Variants in DENND2A observed in about 807,000 individuals in gnomAD.
DENND2A encodes the protein DENN domain containing 2A.
Under a neutral mutation model 105.3 loss-of-function variants are expected in DENND2A, and 53 were observed. That is an observed-to-expected ratio of 0.50 (90% confidence interval 0.40 to 0.63). DENND2A has a LOEUF of 0.63. Ranked by LOEUF, DENND2A falls within the 30% of genes least tolerant of loss-of-function variation. The pLI, the probability that DENND2A is intolerant of heterozygous loss-of-function variation, is 0.00. For missense variants in DENND2A, 1,138 were observed against 1,279.6 expected, an observed-to-expected ratio of 0.89 and a Z score of 1.69; for synonymous variants, 522 against 508.4, an observed-to-expected ratio of 1.03 and a Z score of -0.36.
At chr7:140,634,961 CA>C (rs112974741) in intron 1 of DENND2A, among the ~76,000 whole-genome samples, 5,400 of 121,108 alleles carry the variant, frequency 0.045, 297 homozygotes, top group African/African-American at 0.14. Context: ...GACTCCGTCT[CA>C]AAAAAAAAAA....
intron 1 of DENND2A, among the ~76,000 whole-genome samples, chr7:140,608,569 G>A (rs1397994439): frequency 1.3e-5 from 2 of 151,894 alleles, no homozygotes; most frequent in East Asian, 1.9e-4. Context: ...CCAGCTACTC[G>A]GGAGGCTGAG....
At chr7:140,620,022 G>A (rs556413115) in intron 1 of DENND2A, among the ~76,000 whole-genome samples, 2 of 151,038 alleles carry the variant, frequency 1.3e-5, no homozygotes, top group South Asian at 2.1e-4. Flanking sequence ...GTGAAACCCC[G>A]TCTCTACTAA....
intron 14 of DENND2A, among the ~76,000 whole-genome samples, chr7:140,535,880 C>T (rs1179011497): frequency 6.6e-6 from 1 of 152,140 alleles, no homozygotes; most frequent in Non-Finnish European, 1.5e-5. Context: ...CTGCACCTGG[C>T]CGTCCTTCCA....
chr7:140,553,965 T>C (rs1797252509), intron 12 of DENND2A, among the ~76,000 whole-genome samples: 2 of 152,196 alleles, frequency 1.3e-5, no homozygotes, highest in Admixed American at 6.6e-5. Context: ...CAGTGGCTTG[T>C]GCCTGTAATC....
chr7:140,635,522 G>A (rs1800893478), intron 1 of DENND2A, among the ~76,000 whole-genome samples: 1 of 152,068 alleles, frequency 6.6e-6, no homozygotes, highest in Non-Finnish European at 1.5e-5. Context: ...CCCTGTACTG[G>A]CCCCACTCTC....
At chr7:140,548,163 T>C (rs1326547201) in intron 12 of DENND2A, among the ~76,000 whole-genome samples, 2 of 152,112 alleles carry the variant, frequency 1.3e-5, no homozygotes, top group Admixed American at 6.6e-5. Flanking sequence ...TGGGCTCAAG[T>C]GTCCTCCTAT....
At chr7:140,557,790 G>A (rs1436068067) in intron 11 of DENND2A, among the ~76,000 whole-genome samples, 4 of 150,470 alleles carry the variant, frequency 2.7e-5, no homozygotes, top group East Asian at 2.0e-4. Context: ...CGCCCGTCTC[G>A]GCCTCCCAAA....
At chr7:140,544,550 C>G (rs765479263) in intron 14 of DENND2A, 68 bp downstream of exon 14, 75 of 1,606,454 alleles carry the variant, frequency 4.7e-5, no homozygotes, top group Non-Finnish European at 5.9e-5. Context: ...GTCACCTGCT[C>G]TACAGACTAG....
intron 5 of DENND2A, among the ~76,000 whole-genome samples, chr7:140,581,859 T>C (rs1482476383): frequency 6.6e-6 from 1 of 152,158 alleles, no homozygotes; most frequent in African/African-American, 2.4e-5. Flanking sequence ...GCAGAGGCTC[T>C]AGGTTTTCTC....
At chr7:140,563,854 T>C (rs1289031972) in intron 9 of DENND2A, among the ~76,000 whole-genome samples, 1 of 152,082 alleles carries the variant, frequency 6.6e-6, no homozygotes, top group Non-Finnish European at 1.5e-5. Flanking sequence ...TGCATGCGCC[T>C]GTAGTCCCAG....
At chr7:140,578,601 C>T (rs76062806) in intron 5 of DENND2A, among the ~76,000 whole-genome samples, 3,173 of 152,306 alleles carry the variant, frequency 0.021, 116 homozygotes, top group African/African-American at 0.072. Context: ...CATACAAGGG[C>T]CAGGTGCAGT....
chr7:140,555,657 T>C lies in DENND2A; in HGVS notation c.2016A>G (p.Gly672=), dbSNP rs755476225. Reference sequence around the variant, plus strand: ...TCACCCTTGAAAAGAGGCTGAAGCATCCCAGGCGGCTCACAATGCAGTAAA... The same window carrying C: ...TCACCCTTGAAAAGAGGCTGAAGCACCCCAGGCGGCTCACAATGCAGTAAA... ...PEVYCIVSRL[G]CFSLFSRILD... Residue 672 remains glycine (G), a synonymous_variant, in exon 12 of 20, where the codon GGA becomes GGG. Coordinates refer to ENST00000496613, the MANE Select transcript of DENND2A (RefSeq NM_015689.5). 6.8e-6 allele frequency: 11 copies of C among 1,609,804 alleles called. 1 individual carries two copies. In the Admixed American group the frequency reaches 1.2e-4, roughly 18 times the overall value.
intron 3 of DENND2A, among the ~76,000 whole-genome samples, chr7:140,594,555 C>T (rs1000029420): frequency 2.6e-5 from 4 of 152,194 alleles, no homozygotes; most frequent in Non-Finnish European, 4.4e-5. Context: ...TTCCTCACAG[C>T]ACTGACAGGA....
intron 1 of DENND2A, among the ~76,000 whole-genome samples, chr7:140,639,314 C>T (rs886823859): frequency 5.3e-5 from 8 of 151,764 alleles, no homozygotes; most frequent in South Asian, 2.1e-4. Context: ...ATTGCACTAC[C>T]GCACTCCAGC....
intron 1 of DENND2A, among the ~76,000 whole-genome samples, chr7:140,634,920 G>A (rs191530876): frequency 1.3e-5 from 2 of 150,396 alleles, no homozygotes; most frequent in African/African-American, 2.4e-5. Context: ...CAAGATCACG[G>A]CACTGAACTC....
Position 140,518,447 on chromosome 7 carries a change from T to TAAA in DENND2A, c.*257_*259dup. On this transcript the variant is annotated 3_prime_UTR_variant, in exon 20 of 20. Coordinates refer to ENST00000496613, the MANE Select transcript of DENND2A (RefSeq NM_015689.5). ...TTTTTCTTACTTTTAATATCTAAGA[T>TAAA]AAAAAAAAAAACCCAACCACCAAAA... The TAAA allele has an allele frequency of 1.4e-5, 5 of 365,044 alleles. No homozygotes were observed. The highest frequency in any genetic ancestry group is 9.2e-5 in the East Asian group (2 of 21,756). 22.6% of individuals were successfully genotyped at this position (365,044 alleles called of 1,614,324 possible).
chr7:140,539,060 G>A (rs1486087008), intron 14 of DENND2A, among the ~76,000 whole-genome samples: 1 of 152,182 alleles, frequency 6.6e-6, no homozygotes, highest in African/African-American at 2.4e-5. Context: ...CTGGCCTCAA[G>A]CAATCCACCG....
chr7:140,529,562 T>C (rs1436973614), intron 14 of DENND2A, among the ~76,000 whole-genome samples: 1 of 152,124 alleles, frequency 6.6e-6, no homozygotes, highest in Non-Finnish European at 1.5e-5. Context: ...CCATCAATGA[T>C]AGACTGGATT....
chr7:140,620,631 G>A (rs908702638), intron 1 of DENND2A, among the ~76,000 whole-genome samples: 17 of 152,308 alleles, frequency 1.1e-4, no homozygotes, highest in South Asian at 2.1e-4. Context: ...TCTGCCCTGC[G>A]GTGCCCAGCA....
Sources: allele counts gnomAD v4.1 joint callset (sites outside exome capture counted in the v4.1 genomes callset), GRCh38; gene constraint gnomAD v4.1.1; transcripts MANE v1.5; gene names NCBI Gene and HGNC (gene_info 2026-07-23, HGNC 2026-07-21).